The following SATB2 variants were observed in gnomAD, a reference collection of about 807,000 sequenced individuals.
SATB2 encodes SATB homeobox 2.
In SATB2, 1 loss-of-function variant was observed where a neutral mutation model predicts 73.4. The ratio of observed to expected loss-of-function variants is 0.01; its 90% confidence interval spans 0.00 to 0.06. The LOEUF (loss-of-function observed/expected upper bound fraction) is 0.06, where lower values mean the gene tolerates loss of function less well. SATB2 is among the 10% of genes least tolerant of loss of function. SATB2 has a pLI of 1.00. For missense variants in SATB2, 459 were observed against 945.8 expected, an observed-to-expected ratio of 0.49 and a Z score of 6.75; for synonymous variants, 397 against 367.0, an observed-to-expected ratio of 1.08 and a Z score of -0.93.
intron 7 of SATB2, among the ~76,000 whole-genome samples, chr2:199,345,959 C>G (rs1688638902): frequency 6.6e-6 from 1 of 152,072 alleles, no homozygotes; most frequent in Non-Finnish European, 1.5e-5. Flanking sequence ...ACCAACTATA[C>G]TTGCAGTTTT....
intron 2 of SATB2, among the ~76,000 whole-genome samples, chr2:199,445,758 T>C (rs549599279): frequency 4.6e-5 from 7 of 152,294 alleles, no homozygotes; most frequent in African/African-American, 1.7e-4. Context: ...ACTCCGTCGA[T>C]ACTAAAGGGT....
At chr2:199,409,340 T>C (rs1049564797) in intron 3 of SATB2, among the ~76,000 whole-genome samples, 4 of 152,030 alleles carry the variant, frequency 2.6e-5, no homozygotes, top group African/African-American at 9.7e-5. Flanking sequence ...CCGGCTAATT[T>C]TGTATTTTTA....
chr2:199,448,398 T>C (rs1692025640), intron 2 of SATB2, among the ~76,000 whole-genome samples: 1 of 152,152 alleles, frequency 6.6e-6, no homozygotes, highest in Non-Finnish European at 1.5e-5. Context: ...AGAAAATATT[T>C]TCTTGTGTTA....
At chr2:199,458,653 G>C (rs914487680), upstream of SATB2, 1 of 441,226 alleles carries the variant, frequency 2.3e-6, no homozygotes, top group Non-Finnish European at 4.5e-6. Context: ...CGGAGACGCA[G>C]ACCGACGCGC....
chr2:199,356,225 CAAA>C (rs200509001), intron 6 of SATB2, among the ~76,000 whole-genome samples: 1 of 100,980 alleles, frequency 9.9e-6, no homozygotes, highest in Non-Finnish European at 1.8e-5. Context: ...GAACATAAGC[CAAA>C]AAAAAAAAAA....
chr2:199,314,203 T>G (rs549399210), intron 9 of SATB2, among the ~76,000 whole-genome samples: 2 of 152,312 alleles, frequency 1.3e-5, no homozygotes, highest in East Asian at 1.9e-4. Flanking sequence ...GGTTTGTTTC[T>G]TACTCATTTT....
intron 10 of SATB2, among the ~76,000 whole-genome samples, chr2:199,300,199 G>C (rs1291784210): frequency 6.6e-6 from 1 of 151,636 alleles, no homozygotes; most frequent in Non-Finnish European, 1.5e-5. Context: ...GGGAGGGAGG[G>C]AGAAGGAAGG....
intron 6 of SATB2, among the ~76,000 whole-genome samples, chr2:199,364,569 A>C: frequency 6.6e-6 from 1 of 152,290 alleles, no homozygotes; most frequent in South Asian, 2.1e-4. Context: ...AGAAAAGAAA[A>C]GTGATGGGGA....
chr2:199,327,460 T>C (rs1314448855), intron 8 of SATB2, among the ~76,000 whole-genome samples: 1 of 151,962 alleles, frequency 6.6e-6, no homozygotes, highest in African/African-American at 2.4e-5. Flanking sequence ...CAAAAAAAAT[T>C]TATACCTGTT....
chr2:199,433,289 A>C, intron 3 of SATB2, 49 bp downstream of exon 3: 1 of 1,565,886 alleles, frequency 6.4e-7, no homozygotes, highest in Non-Finnish European at 8.7e-7. Context: ...TTCTTCCTCA[A>C]ATTATGACAC....
At chr2:199,422,082 G>A (rs1042842436) in intron 3 of SATB2, among the ~76,000 whole-genome samples, 10 of 151,970 alleles carry the variant, frequency 6.6e-5, no homozygotes, top group South Asian at 4.2e-4. Flanking sequence ...AAAGCTTCAC[G>A]GTTACGTAGT....
intron 3 of SATB2, among the ~76,000 whole-genome samples, chr2:199,422,851 T>A (rs1310624855): frequency 6.6e-6 from 1 of 152,190 alleles, no homozygotes; most frequent in African/African-American, 2.4e-5. Flanking sequence ...ATTATAGCCA[T>A]AATATGTCTA....
intron 2 of SATB2, among the ~76,000 whole-genome samples, chr2:199,443,499 GAGA>G (rs1279095732): frequency 6.9e-6 from 1 of 144,692 alleles, no homozygotes; most frequent in Non-Finnish European, 1.5e-5. Context: ...CTAGAATGGA[GAGA>G]TTTTTATCAA....
chr2:199,357,352 AT>A (rs1689016653), intron 6 of SATB2, among the ~76,000 whole-genome samples: 1 of 152,204 alleles, frequency 6.6e-6, no homozygotes, highest in Non-Finnish European at 1.5e-5. Context: ...TGATGAAATC[AT>A]TGATTCCTCA....
intron 3 of SATB2, among the ~76,000 whole-genome samples, chr2:199,416,489 T>C (rs1690990208): frequency 1.3e-5 from 2 of 152,142 alleles, no homozygotes; most frequent in Non-Finnish European, 2.9e-5. Flanking sequence ...GAGGTCTTCT[T>C]CAAATGCTAT....
chr2:199,327,100 A>G (rs2105793005), intron 8 of SATB2, among the ~76,000 whole-genome samples: 1 of 152,316 alleles, frequency 6.6e-6, no homozygotes, highest in Middle Eastern at 3.4e-3. Flanking sequence ...ATCTAAGCAA[A>G]ACAACCTTTG....
intron 6 of SATB2, among the ~76,000 whole-genome samples, chr2:199,352,672 C>T (rs1298565525): frequency 6.6e-6 from 1 of 152,126 alleles, no homozygotes; most frequent in African/African-American, 2.4e-5. Flanking sequence ...AGATAACAGC[C>T]AGAAAAGCCA....
chr2:199,382,538 A>T (rs953302777), intron 3 of SATB2, among the ~76,000 whole-genome samples: 2 of 152,194 alleles, frequency 1.3e-5, no homozygotes, highest in African/African-American at 4.8e-5. Flanking sequence ...AAATAATAAA[A>T]ATCCTTTTTA....
intron 10 of SATB2, among the ~76,000 whole-genome samples, chr2:199,290,328 T>C (rs908868637): frequency 3.3e-5 from 5 of 152,186 alleles, no homozygotes; most frequent in African/African-American, 1.2e-4. Flanking sequence ...TCTCCACTGA[T>C]CTCTGGGCTC....
Sources: gnomAD v4.1 joint callset for allele counts (sites outside exome capture counted in the v4.1 genomes callset) on GRCh38, gnomAD v4.1.1 for gene constraint, MANE v1.5 for transcripts, NCBI Gene and HGNC (gene_info 2026-07-23, HGNC 2026-07-21) for gene names.